CCDC77: variants seen among roughly 807,000 people sequenced by gnomAD.
CCDC77 encodes coiled-coil domain-containing protein 77.
Under a neutral mutation model 66.8 loss-of-function variants are expected in CCDC77, and 56 were observed. That is an observed-to-expected ratio of 0.84 (90% CI 0.68 to 1.05). The LOEUF is 1.05. Among genes scored for constraint, CCDC77 ranks in the 50% least tolerant of loss-of-function variants. CCDC77 has a pLI of 0.00. For synonymous variants in CCDC77, 196 were observed against 195.2 expected, an observed-to-expected ratio of 1.00 and a Z score of -0.03; for missense variants, 570 against 576.8, an observed-to-expected ratio of 0.99 and a Z score of 0.12.
chr12:428,665 A>T, intron 5 of CCDC77, 104 bp from the exon 6 acceptor site: 1 of 613,402 alleles, frequency 1.6e-6, no homozygotes, highest in Non-Finnish European at 2.6e-6. Context: ...ATTTGGGGTT[A>T]CAATTGTTTT....
chr12:416,780 C>A (rs1486389795), intron 4 of CCDC77, among the ~76,000 whole-genome samples: 1 of 151,990 alleles, frequency 6.6e-6, no homozygotes, highest in Non-Finnish European at 1.5e-5. Context: ...TCCCTGTAAC[C>A]ACTATTTTAC....
At chr12:419,214 A>G (rs1365628334) in intron 5 of CCDC77, among the ~76,000 whole-genome samples, 1 of 152,158 alleles carries the variant, frequency 6.6e-6, no homozygotes, top group East Asian at 1.9e-4. Context: ...AGCACTAAGG[A>G]TAGGGTGGTC....
chr12:433,039 A>T (rs1420732913), intron 8 of CCDC77, 135 bp from the exon 9 acceptor site: 2 of 986,934 alleles, frequency 2.0e-6, no homozygotes, highest in Non-Finnish European at 3.0e-6. Context: ...TCTTGAAATG[A>T]ACAAGAGGAT....
chr12:416,379 A>ATATATATATATATATATATATG (rs1945276800), intron 4 of CCDC77, among the ~76,000 whole-genome samples: 1 of 17,994 alleles, frequency 5.6e-5, no homozygotes, highest in African/African-American at 3.0e-4. Flanking sequence ...GTGTGTGTGT[A>ATATATATATATATATATATATG]TATATATATA....
chr12:426,860 C>A (rs920934744), intron 5 of CCDC77, among the ~76,000 whole-genome samples: 1 of 152,058 alleles, frequency 6.6e-6, no homozygotes. Flanking sequence ...GGCTATAGAC[C>A]CTTTGGAGGA....
chr12:428,294 C>T lies in CCDC77; in HGVS notation c.414-475C>T, dbSNP rs564441368. On this transcript the variant is annotated intron_variant, in intron 5 of 12. Transcript: ENST00000239830. ...TTGGGAGGCCGAGGCAGGCAGATCACGAGGTCAGGAGATCAGGACCTTCCT... is the reference window on the plus strand; with the variant it reads ...TTGGGAGGCCGAGGCAGGCAGATCATGAGGTCAGGAGATCAGGACCTTCCT... Among the ~76,000 whole-genome samples the T allele has an allele frequency of 1.1e-4, 16 of 152,088 alleles. No homozygotes were observed. In the South Asian group the frequency reaches 2.3e-3, roughly 22 times the overall value.
At chr12:402,034 A>G (rs992706038) in intron 1 of CCDC77, among the ~76,000 whole-genome samples, 6 of 152,328 alleles carry the variant, frequency 3.9e-5, no homozygotes, top group East Asian at 1.9e-4. Flanking sequence ...GGATAGTGAA[A>G]ATACTGAACG....
intron 5 of CCDC77, among the ~76,000 whole-genome samples, chr12:424,919 CTT>C (rs529763979): frequency 3.9e-5 from 5 of 129,424 alleles, no homozygotes; most frequent in Non-Finnish European, 3.4e-5. Flanking sequence ...TGGTTTCTTT[CTT>C]TTTTTTTTTT....
At chr12:416,377 G>GTGTATATATATA (rs1170807639) in intron 4 of CCDC77, among the ~76,000 whole-genome samples, 1 of 20,592 alleles carries the variant, frequency 4.9e-5, no homozygotes, top group Non-Finnish European at 9.7e-5. Context: ...GTGTGTGTGT[G>GTGTATATATATA]TATATATATA....
chr12:417,369 G>A (rs1188055907), intron 4 of CCDC77, among the ~76,000 whole-genome samples: 1 of 151,986 alleles, frequency 6.6e-6, no homozygotes, highest in East Asian at 1.9e-4. Flanking sequence ...CCCATCTTCT[G>A]TTCATCTGTC....
intron 3 of CCDC77, among the ~76,000 whole-genome samples, chr12:410,641 G>C (rs190822583): frequency 7.2e-6 from 1 of 137,950 alleles, no homozygotes; most frequent in African/African-American, 2.7e-5. Context: ...TGCCTCCTGC[G>C]TTCAAGCAAT....
chr12:436,243 G>C (rs1262335393), intron 9 of CCDC77, among the ~76,000 whole-genome samples: 7 of 149,788 alleles, frequency 4.7e-5, no homozygotes, highest in Admixed American at 3.4e-4. Context: ...TCAGCCTCCT[G>C]AGTAGCTGGG....
chr12:409,942 G>A (rs1353211343), intron 3 of CCDC77, among the ~76,000 whole-genome samples: 2 of 149,500 alleles, frequency 1.3e-5, no homozygotes, highest in Non-Finnish European at 3.0e-5. Context: ...AGGTTGCAGT[G>A]AGCTCAGATC....
intron 9 of CCDC77, 119 bp from the exon 10 acceptor site, chr12:438,216 A>G: frequency 1.4e-6 from 1 of 706,876 alleles, no homozygotes; most frequent in South Asian, 2.0e-5. Flanking sequence ...CTAATATTTT[A>G]CAAAATTTAT....
Position 430,822 on chromosome 12 carries a change from T to G in CCDC77, c.583+86T>G. On this transcript the variant is annotated intron_variant, in intron 7 of 12. Transcript: ENST00000239830. ...GGCTGGGCGCGGTGGCTCACGCCTG[T>G]AATCCCAGCACTTTGGGAGGCTGAG... 3.0e-6 allele frequency: 3 copies of G among 1,013,802 alleles called. No homozygotes were observed. In the South Asian group the frequency reaches 3.8e-5, roughly 13 times the overall value. The allele number at this position is 1,013,802 out of a possible 1,614,324, so 62.8% of individuals were successfully genotyped here.
At chr12:424,529 A>G (rs1232981600) in intron 5 of CCDC77, among the ~76,000 whole-genome samples, 6 of 151,440 alleles carry the variant, frequency 4.0e-5, no homozygotes, top group Non-Finnish European at 5.9e-5. Flanking sequence ...AGATCTCACT[A>G]TATTCCTTAG....
intron 10 of CCDC77, among the ~76,000 whole-genome samples, chr12:438,764 C>G (rs1293132375): frequency 6.6e-6 from 1 of 152,050 alleles, no homozygotes; most frequent in African/African-American, 2.4e-5. Flanking sequence ...TTCATTCATT[C>G]AACAAATATT....
chr12:428,510 C>CAAAAAAAAAAAAAAAAA (rs59414510), intron 5 of CCDC77, among the ~76,000 whole-genome samples: 2 of 57,882 alleles, frequency 3.5e-5, no homozygotes, highest in African/African-American at 1.5e-4. Context: ...GACTCTGTCT[C>CAAAAAAAAAAAAAAAAA]AAAAAAAAAA....
At chr12:397,552 A>G (rs1944844613), upstream of CCDC77, among the ~76,000 whole-genome samples, 1 of 152,212 alleles carries the variant, frequency 6.6e-6, no homozygotes, top group African/African-American at 2.4e-5. Context: ...GTTTCCTGGT[A>G]CATAAAAAAA....
Sources: allele counts gnomAD v4.1 joint callset (sites outside exome capture counted in the v4.1 genomes callset), GRCh38; gene constraint gnomAD v4.1.1; transcripts MANE v1.5; gene names NCBI Gene and HGNC (gene_info 2026-07-23, HGNC 2026-07-21).